The following CNIH4 variants were observed in gnomAD, a reference collection of about 807,000 sequenced individuals.
The protein encoded by CNIH4 is cornichon family member 4.
Under a neutral mutation model 21.5 loss-of-function variants are expected in CNIH4, and 9 were observed. That is an observed-to-expected ratio of 0.42 (90% CI 0.25 to 0.73). The LOEUF is 0.73. Among genes scored for constraint, CNIH4 ranks in the 30% least tolerant of loss-of-function variants. CNIH4 has a pLI of 0.27. For synonymous variants in CNIH4, 67 were observed against 59.1 expected, an observed-to-expected ratio of 1.13 and a Z score of -0.61; for missense variants, 159 against 170.0, an observed-to-expected ratio of 0.94 and a Z score of 0.36.
intron 3 of CNIH4, 128 bp downstream of exon 3, chr1:224,366,119 G>A (rs1311246304): frequency 2.7e-5 from 18 of 655,640 alleles, no homozygotes; most frequent in Admixed American, 2.2e-5. Flanking sequence ...TCAGCTCACT[G>A]CAATTTCTGC....
Position 224,376,097 on chromosome 1 carries a change from A to G in CNIH4, c.*275A>G, listed in dbSNP as rs1672774106. 1 of 1,159,540 alleles carries G rather than the reference A, an allele frequency of 8.6e-7. No individual in the cohort carries two copies. The highest frequency in any genetic ancestry group is 1.1e-6 in the Non-Finnish European group (1 of 940,182). 71.8% of individuals were successfully genotyped at this position (1,159,540 alleles called of 1,614,324 possible). Reference sequence around the variant, plus strand: ...TGAAGGTGGTTATTTGTATGTAGGAACAGGACTGCCATCCCAGCTTTGCAT... The same window carrying G: ...TGAAGGTGGTTATTTGTATGTAGGAGCAGGACTGCCATCCCAGCTTTGCAT... On this transcript the variant is annotated 3_prime_UTR_variant, in exon 5 of 5. Transcript: ENST00000465271.
intron 2 of CNIH4, among the ~76,000 whole-genome samples, chr1:224,361,361 G>A (rs528027756): frequency 1.3e-5 from 2 of 151,828 alleles, no homozygotes; most frequent in East Asian, 3.9e-4. Flanking sequence ...CAAGTGATTC[G>A]CCTGCCTCAG....
chr1:224,375,584 C>T (rs1217664020), intron 4 of CNIH4, among the ~76,000 whole-genome samples: 2 of 151,328 alleles, frequency 1.3e-5, no homozygotes, highest in African/African-American at 2.4e-5. Flanking sequence ...AGTTGTACTT[C>T]CCCCAACTCC....
chr1:224,371,343 A>G lies in CNIH4; in HGVS notation c.312A>G (p.Arg104=). 6.2e-7 allele frequency: 1 copy of G among 1,614,154 alleles called. No individual in the cohort carries two copies. The highest frequency in any genetic ancestry group is 8.5e-7 in the Non-Finnish European group (1 of 1,180,012). Residue 104 remains arginine, a synonymous_variant, in exon 4 of 5, where the codon CGA becomes CGG. Coordinates refer to ENST00000465271, the MANE Select transcript of CNIH4 (RefSeq NM_014184.4). The stretch of plus-strand genomic sequence containing the variant: ...TTGATCCAACAGAAATACACAATCG[A>G]GGGCAGCTGAAGTCACACATGAAAG... The part of the protein sequence containing the change: ...GVFDPTEIHN[R]GQLKSHMKEA...
intron 3 of CNIH4, among the ~76,000 whole-genome samples, 155 bp from the exon 4 acceptor site, chr1:224,371,128 T>TGAA (rs1204531604): frequency 2.0e-5 from 3 of 152,192 alleles, no homozygotes; most frequent in Non-Finnish European, 2.9e-5. Flanking sequence ...CCACCTGCCT[T>TGAA]GGCCTGCCAA....
At position 224,359,110 on chromosome 1, in the gene CNIH4, A is replaced by G. The variant is rs116621531; in HGVS notation, c.70-1385A>G. Among the ~76,000 whole-genome samples the G allele has an allele frequency of 9.3e-3, 1,413 of 152,318 alleles. 17 individuals carry two copies. The highest frequency in any genetic ancestry group is 0.032 in the African/African-American group (1,338 of 41,566). On this transcript the variant is annotated intron_variant, in intron 1 of 4. Transcript: ENST00000465271. ...TTAACGAATAGACCATCTGGAGCACATGGTTGATTTTGGCGTCAGTAGAAG... is the reference window on the plus strand; with the variant it reads ...TTAACGAATAGACCATCTGGAGCACGTGGTTGATTTTGGCGTCAGTAGAAG...
At position 224,379,166 on chromosome 1, in the gene CNIH4, C is replaced by A; in HGVS notation, c.*3344C>A. Reference sequence around the variant, plus strand: ...CTCAGTTCATCAAAGCCTAGCAGGTCCCCTCAGCTGCCTTTTCATGCCTGC... The same window carrying A: ...CTCAGTTCATCAAAGCCTAGCAGGTACCCTCAGCTGCCTTTTCATGCCTGC... On this transcript the variant is annotated 3_prime_UTR_variant, in exon 5 of 5. Coordinates refer to ENST00000465271, the MANE Select transcript of CNIH4 (RefSeq NM_014184.4). 6.8e-7 allele frequency: 1 copy of A among 1,472,310 alleles called. No individual in the cohort carries two copies. Among genetic ancestry groups the A allele is most frequent in the Non-Finnish European group, 9.3e-7 (1 of 1,076,052 alleles). The allele number at this position is 1,472,310 out of a possible 1,614,324, so 91.2% of individuals were successfully genotyped here.
chr1:224,370,528 A>G (rs1367605656), intron 3 of CNIH4, among the ~76,000 whole-genome samples: 1 of 152,214 alleles, frequency 6.6e-6, no homozygotes, highest in Admixed American at 6.5e-5. Flanking sequence ...AAGCCCAGAC[A>G]CTTAAATTCA....
Position 224,376,859 on chromosome 1 carries a change from A to G in CNIH4, c.*1037A>G. The G allele has an allele frequency of 7.1e-6, 7 of 985,470 alleles. No individual in the cohort carries two copies. The highest frequency in any genetic ancestry group is 8.4e-6 in the Non-Finnish European group (7 of 829,940). The allele number at this position is 985,470 out of a possible 1,614,324, so 61.0% of individuals were successfully genotyped here. On this transcript the variant is annotated 3_prime_UTR_variant, in exon 5 of 5. Transcript: ENST00000465271. ...CTCTGTTTGCCAGCTCTTACAGGGT[A>G]AAATAAACCTGGCAATTTATCCTCA...
At chr1:224,363,190 G>A (rs565671964) in intron 2 of CNIH4, among the ~76,000 whole-genome samples, 22 of 152,124 alleles carry the variant, frequency 1.4e-4, no homozygotes, top group Admixed American at 1.3e-3. Flanking sequence ...GATTACAGGG[G>A]TGTGCCACCA....
At chr1:224,371,803 G>A (rs541912034) in intron 4 of CNIH4, among the ~76,000 whole-genome samples, 1 of 152,172 alleles carries the variant, frequency 6.6e-6, no homozygotes, top group South Asian at 2.1e-4. Context: ...TTAGGTGGGC[G>A]TGGTGGCACA....
intron 2 of CNIH4, among the ~76,000 whole-genome samples, chr1:224,363,947 G>T (rs1672374095): frequency 6.6e-6 from 1 of 152,162 alleles, no homozygotes; most frequent in South Asian, 2.1e-4. Context: ...AATCCTCCAA[G>T]TTCCTTCATG....
intron 3 of CNIH4, among the ~76,000 whole-genome samples, chr1:224,366,764 T>A (rs1238785138): frequency 6.7e-6 from 1 of 150,224 alleles, no homozygotes; most frequent in Non-Finnish European, 1.5e-5. Context: ...ATCGAGACCA[T>A]CCTGGCTAAC....
rs2102875451 is a variant in CNIH4 at position 224,379,381 on chromosome 1, TC to T, written c.*3561del. 2.3e-6 allele frequency: 1 copy of T among 427,340 alleles called. No individual in the cohort carries two copies. The highest frequency in any genetic ancestry group is 2.6e-5 in the South Asian group (1 of 37,792). The allele number at this position is 427,340 out of a possible 1,614,324, so 26.5% of individuals were successfully genotyped here. A position where few individuals can be genotyped will look rare whatever the true frequency, so the allele number is the denominator to read the frequency against. The stretch of plus-strand genomic sequence containing the variant: ...ATGCCCATTCATATTTGTATCTTCT[TC>T]CTTCTGCTCTTGGCACCTAACACAG... On this transcript the variant is annotated 3_prime_UTR_variant, in exon 5 of 5. Transcript: ENST00000465271.
intron 1 of CNIH4, among the ~76,000 whole-genome samples, chr1:224,357,894 A>T (rs1325732754): frequency 6.6e-6 from 1 of 152,222 alleles, no homozygotes; most frequent in African/African-American, 2.4e-5. Context: ...GTTGTTGCCC[A>T]ATGTTGTATT....
intron 2 of CNIH4, chr1:224,364,044 C>T (rs1389017197): frequency 1.0e-6 from 1 of 985,218 alleles, no homozygotes; most frequent in Non-Finnish European, 1.2e-6. Flanking sequence ...AAACAGAGGA[C>T]TTGGTTGAAA....
At position 224,376,123 on chromosome 1, in the gene CNIH4, G is replaced by A. The variant is rs1183858435; in HGVS notation, c.*301G>A. The A allele has an allele frequency of 2.7e-6, 3 of 1,101,900 alleles. No individual in the cohort carries two copies. Among genetic ancestry groups the A allele is most frequent in the Non-Finnish European group, 3.3e-6 (3 of 904,948 alleles). The allele number at this position is 1,101,900 out of a possible 1,614,324, so 68.3% of individuals were successfully genotyped here. A position where few individuals can be genotyped will look rare whatever the true frequency, so the allele number is the denominator to read the frequency against. On this transcript the variant is annotated 3_prime_UTR_variant, in exon 5 of 5. Transcript: ENST00000465271. The stretch of plus-strand genomic sequence containing the variant: ...CAGGACTGCCATCCCAGCTTTGCAT[G>A]CCAAAGAAATAAAGAACACACTTTA...
chr1:224,357,383 C>T (rs1672147380), intron 1 of CNIH4: 1 of 177,468 alleles, frequency 5.6e-6, no homozygotes, highest in South Asian at 1.6e-4. Context: ...TGGGAGAGGC[C>T]CTGCGCCGTG....
At chr1:224,364,037 CAG>C (rs1672377823) in intron 2 of CNIH4, 1 of 985,108 alleles carries the variant, frequency 1.0e-6, no homozygotes, top group Non-Finnish European at 1.2e-6. Context: ...AGACAAAAAA[CAG>C]AGGACTTGGT....
Sources: gnomAD v4.1 joint callset for allele counts (sites outside exome capture counted in the v4.1 genomes callset) on GRCh38, gnomAD v4.1.1 for gene constraint, MANE v1.5 for transcripts, NCBI Gene and HGNC (gene_info 2026-07-23, HGNC 2026-07-21) for gene names.